Variants in PTPRD observed in about 807,000 individuals in gnomAD.
PTPRD encodes the protein receptor-type tyrosine-protein phosphatase delta.
In PTPRD, 34 loss-of-function variants were observed where a neutral mutation model predicts 214.5. That is an observed-to-expected ratio of 0.16 (90% CI 0.12 to 0.21). The LOEUF (loss-of-function observed/expected upper bound fraction) is 0.21, where lower values mean the gene tolerates loss of function less well. PTPRD is among the 10% of genes least tolerant of loss of function. PTPRD has a pLI of 1.00. For missense variants in PTPRD, 2,545 were observed against 2,398.7 expected, an observed-to-expected ratio of 1.06 and a Z score of -1.27; for synonymous variants, 1,128 against 845.7, an observed-to-expected ratio of 1.33 and a Z score of -5.79.
rs573381420 is a variant in PTPRD, at chr9:8,507,344, G to C, written c.1634C>G (p.Ala545Gly). The C allele has an allele frequency of 6.2e-7, 1 of 1,613,944 alleles. No individual in the cohort carries two copies. The highest frequency in any genetic ancestry group is 2.2e-5 in the East Asian group (1 of 44,868). The change falls in exon 22 of 46, where the codon GCC (alanine) becomes GGC (glycine). Residue 545 changes from alanine to glycine, a missense_variant. Coordinates refer to ENST00000381196, the MANE Select transcript of PTPRD (RefSeq NM_002839.4). ...ATCTTTGTAGACCAGTTCATAGTTGGCAATGGTATCTGAACGTGGAGGTGT... is the reference window on the plus strand; with the variant it reads ...ATCTTTGTAGACCAGTTCATAGTTGCCAATGGTATCTGAACGTGGAGGTGT... ...SWTPPRSDTI[A>G]NYELVYKDGE... is the part of the protein sequence containing the mutation.
At chr9:10,101,279 T>C (rs914121085) in intron 3 of PTPRD, among the ~76,000 whole-genome samples, 4 of 151,574 alleles carry the variant, frequency 2.6e-5, no homozygotes, top group Non-Finnish European at 4.4e-5. Context: ...GGTGTGGAAA[T>C]TGATGTAGGT....
chr9:9,091,953 G>C (rs577902654), intron 10 of PTPRD, among the ~76,000 whole-genome samples: 18 of 152,248 alleles, frequency 1.2e-4, no homozygotes, highest in African/African-American at 4.3e-4. Context: ...TATCTGCCAG[G>C]ATTAGACAAT....
chr9:9,324,888 C>T (rs1054422330), intron 9 of PTPRD, among the ~76,000 whole-genome samples: 1 of 152,184 alleles, frequency 6.6e-6, no homozygotes, highest in Non-Finnish European at 1.5e-5. Flanking sequence ...AGGAAGGGAT[C>T]CAGTTTCAGC....
Position 10,511,569 on chromosome 9 carries a change from A to ATTTTTT in PTPRD, c.-600+100823_-600+100828dup, listed in dbSNP as rs66768632. ...CAGGTGTGCGCCACCACACCCTGGT[A>ATTTTTT]TTTTTTTTTTTTTTTTTTGTATTTT... On this transcript the variant is annotated intron_variant, in intron 2 of 45. Transcript: ENST00000381196. Among the ~76,000 whole-genome samples, 78 of 127,868 alleles carry ATTTTTT rather than the reference A, an allele frequency of 6.1e-4. 4 individuals are homozygous for ATTTTTT. Among genetic ancestry groups the ATTTTTT allele is most frequent in the African/African-American group, 1.8e-3 (57 of 32,564 alleles). The allele number at this position is 127,868 out of a possible 152,430, so 83.9% of individuals were successfully genotyped here.
chr9:10,446,920 G>C (rs2098804156), intron 2 of PTPRD, among the ~76,000 whole-genome samples: 1 of 152,162 alleles, frequency 6.6e-6, no homozygotes, highest in Non-Finnish European at 1.5e-5. Context: ...TGCAGAATAT[G>C]TACAAGCAAG....
At chr9:8,946,721 G>A (rs1329741048) in intron 11 of PTPRD, among the ~76,000 whole-genome samples, 1 of 152,118 alleles carries the variant, frequency 6.6e-6, no homozygotes, top group Non-Finnish European at 1.5e-5. Flanking sequence ...CAGATCCCCA[G>A]GTTGCTCTCT....
chr9:10,039,964 C>T (rs932074892), intron 3 of PTPRD, among the ~76,000 whole-genome samples: 3 of 151,972 alleles, frequency 2.0e-5, no homozygotes, highest in African/African-American at 4.8e-5. Flanking sequence ...AGCTTAAATG[C>T]CATTCTCCTA....
At chr9:10,284,977 CA>C (rs2095295183) in intron 3 of PTPRD, among the ~76,000 whole-genome samples, 1 of 152,196 alleles carries the variant, frequency 6.6e-6, no homozygotes, top group African/African-American at 2.4e-5. Context: ...TCATTTTGGA[CA>C]CTATTCCAAA....
At chr9:9,636,926 G>T (rs1244659059) in intron 7 of PTPRD, among the ~76,000 whole-genome samples, 1 of 152,142 alleles carries the variant, frequency 6.6e-6, no homozygotes, top group African/African-American at 2.4e-5. Flanking sequence ...CTTCCAAGGT[G>T]CACCTTGAAG....
At chr9:8,487,550 G>T (rs1201746277) in intron 27 of PTPRD, among the ~76,000 whole-genome samples, 1 of 151,846 alleles carries the variant, frequency 6.6e-6, no homozygotes, top group Non-Finnish European at 1.5e-5. Context: ...GGGTGTGGTG[G>T]CTCACACCAG....
At chr9:8,898,310 A>G (rs901465149) in intron 11 of PTPRD, among the ~76,000 whole-genome samples, 3 of 151,980 alleles carry the variant, frequency 2.0e-5, no homozygotes, top group African/African-American at 7.3e-5. Context: ...AATCTCCTAT[A>G]CTTGGAAGCA....
At chr9:9,796,874 T>G (rs1268496662) in intron 5 of PTPRD, among the ~76,000 whole-genome samples, 1 of 152,178 alleles carries the variant, frequency 6.6e-6, no homozygotes, top group African/African-American at 2.4e-5. Flanking sequence ...TACAACTTGA[T>G]GAGTTTGGAG....
intron 14 of PTPRD, among the ~76,000 whole-genome samples, chr9:8,622,890 T>A (rs570082996): frequency 6.6e-4 from 100 of 151,886 alleles, no homozygotes; most frequent in African/African-American, 2.3e-3. Context: ...TGTAATCCCA[T>A]GACTTTGGGA....
intron 7 of PTPRD, among the ~76,000 whole-genome samples, chr9:9,651,121 T>C (rs1265375252): frequency 6.6e-6 from 1 of 152,318 alleles, no homozygotes; most frequent in East Asian, 1.9e-4. Context: ...CTCAGTCTTA[T>C]GCTTTTCCAT....
At chr9:9,796,577 A>C (rs10977985) in intron 5 of PTPRD, among the ~76,000 whole-genome samples, 17,254 of 152,158 alleles carry the variant, frequency 0.11, 2,066 homozygotes, top group East Asian at 0.64. Context: ...AGAGAGGTAC[A>C]AAACCTGTAG....
At chr9:9,596,981 G>A (rs2093400177) in intron 7 of PTPRD, among the ~76,000 whole-genome samples, 1 of 152,016 alleles carries the variant, frequency 6.6e-6, no homozygotes, top group African/African-American at 2.4e-5. Flanking sequence ...ATCAGAGAAA[G>A]AGAATGCCTC....
chr9:8,919,775 G>A (rs764336825), intron 11 of PTPRD, among the ~76,000 whole-genome samples: 1 of 149,638 alleles, frequency 6.7e-6, no homozygotes, highest in African/African-American at 2.4e-5. Context: ...CCATGTATAT[G>A]CACATCTATG....
At chr9:9,342,186 G>C (rs1377306189) in intron 9 of PTPRD, among the ~76,000 whole-genome samples, 3 of 152,166 alleles carry the variant, frequency 2.0e-5, no homozygotes, top group Non-Finnish European at 4.4e-5. Context: ...ATAATGAAAA[G>C]ATTGACAGAT....
At chr9:8,565,776 G>A (rs189123065) in intron 14 of PTPRD, among the ~76,000 whole-genome samples, 24 of 152,252 alleles carry the variant, frequency 1.6e-4, no homozygotes, top group Admixed American at 5.2e-4. Flanking sequence ...TAGTTTATGA[G>A]ACGCTTATCA....
Sources: allele counts gnomAD v4.1 joint callset (sites outside exome capture counted in the v4.1 genomes callset), GRCh38; gene constraint gnomAD v4.1.1; transcripts MANE v1.5; gene names NCBI Gene and HGNC (gene_info 2026-07-23, HGNC 2026-07-21).